The following MYO16 variants were observed in gnomAD, a reference collection of about 807,000 sequenced individuals.
The protein encoded by MYO16 is unconventional myosin-XVI.
Under a neutral mutation model 205.3 loss-of-function variants are expected in MYO16, and 94 were observed. The observed-to-expected ratio is 0.46, with a 90% CI of 0.39 to 0.54. The LOEUF (loss-of-function observed/expected upper bound fraction) is 0.54. MYO16 is among the 20% of genes least tolerant of loss of function. The pLI, the probability that MYO16 is intolerant of heterozygous loss-of-function variation, is 0.00. For synonymous variants in MYO16, 988 were observed against 954.0 expected, an observed-to-expected ratio of 1.04 and a Z score of -0.66; for missense variants, 2,315 against 2,387.5, an observed-to-expected ratio of 0.97 and a Z score of 0.63.
At chr13:109,061,779 A>G (rs1384210189) in intron 27 of MYO16, among the ~76,000 whole-genome samples, 2 of 152,198 alleles carry the variant, frequency 1.3e-5, no homozygotes, top group Admixed American at 6.5e-5. Context: ...TGGAAAAACT[A>G]TGCTTCAATT....
At chr13:109,104,294 GGCACTT>G (rs1889058025) in intron 28 of MYO16, among the ~76,000 whole-genome samples, 1 of 152,190 alleles carries the variant, frequency 6.6e-6, no homozygotes, top group Admixed American at 6.5e-5. Flanking sequence ...TTTGATCAAA[GGCACTT>G]ATACCGTTTA....
chr13:108,629,843 A>T lies in MYO16; in HGVS notation c.-2A>T. 2 of 1,530,248 alleles carry T rather than the reference A, an allele frequency of 1.3e-6. No homozygotes were observed. Among genetic ancestry groups the T allele is most frequent in the Non-Finnish European group, 1.8e-6 (2 of 1,142,010 alleles). 94.8% of individuals were successfully genotyped at this position (1,530,248 alleles called of 1,614,324 possible). On this transcript the variant is annotated 5_prime_UTR_variant, in exon 1 of 35. It adds an upstream start codon to the 5' untranslated region. Transcript: ENST00000457511. ...AGCAAGATTCCTGTCTGAGATGGAA[A>T]GATGTCTCACTATCATTTTATCAAG...
chr13:109,039,517 A>G (rs1886817669), intron 23 of MYO16, among the ~76,000 whole-genome samples: 2 of 152,224 alleles, frequency 1.3e-5, no homozygotes, highest in African/African-American at 4.8e-5. Flanking sequence ...CCACAATGGA[A>G]TCAACCCAGA....
chr13:108,928,371 T>C (rs1882102820), intron 16 of MYO16, among the ~76,000 whole-genome samples: 1 of 152,320 alleles, frequency 6.6e-6, no homozygotes, highest in South Asian at 2.1e-4. Context: ...GTCTATTAGC[T>C]AGGGATCTAC....
At chr13:108,506,822 A>C in the MYO16 span, among the ~76,000 whole-genome samples, 8 of 152,108 alleles carry the variant, frequency 5.3e-5, no homozygotes, top group Non-Finnish European at 1.0e-4. Flanking sequence ...TGTTAGCTGA[A>C]GCCTTTTCAT....
intron 32 of MYO16, among the ~76,000 whole-genome samples, chr13:109,146,612 C>A (rs560398141): frequency 3.3e-5 from 5 of 151,806 alleles, no homozygotes; most frequent in African/African-American, 4.8e-5. Context: ...GCTAACCAGG[C>A]CTTGTCTCTA....
intron 21 of MYO16, among the ~76,000 whole-genome samples, chr13:108,994,599 G>A (rs1308931277): frequency 6.6e-6 from 1 of 152,082 alleles, no homozygotes; most frequent in South Asian, 2.1e-4. Context: ...GCAACAAAAT[G>A]CTTAACAAAT....
At chr13:108,800,200 G>A (rs1443424166) in intron 6 of MYO16, among the ~76,000 whole-genome samples, 1 of 152,260 alleles carries the variant, frequency 6.6e-6, no homozygotes, top group East Asian at 1.9e-4. Flanking sequence ...AGCTTCATGG[G>A]TAAAAGCCCA....
the MYO16 span, among the ~76,000 whole-genome samples, chr13:108,584,678 A>G: frequency 6.6e-6 from 1 of 152,084 alleles, no homozygotes; most frequent in Admixed American, 6.6e-5. Flanking sequence ...TACCTCCATG[A>G]GTTACCCTTT....
At position 108,898,149 on chromosome 13, in the gene MYO16, G is replaced by C. The variant is rs947245892; in HGVS notation, c.1777+16G>C. On this transcript the variant is annotated intron_variant, in intron 15 of 34. Coordinates refer to ENST00000457511, the MANE Select transcript of MYO16 (RefSeq NM_001198950.3). ...CTAACCGGAGGTAAGTGCAGTATTT[G>C]ACAACGTGGATTTCCTGTGCCGAGC... 2.5e-6 allele frequency: 4 copies of C among 1,580,394 alleles called. No individual in the cohort carries two copies. Among genetic ancestry groups the C allele is most frequent in the Non-Finnish European group, 3.5e-6 (4 of 1,149,506 alleles).
chr13:108,883,264 G>C, intron 13 of MYO16, 78 bp downstream of exon 13: 1 of 1,508,604 alleles, frequency 6.6e-7, no homozygotes, highest in South Asian at 1.3e-5. Flanking sequence ...CATTTCCTAT[G>C]GTTTACCTTT....
At chr13:109,006,522 G>T (rs888783664) in intron 21 of MYO16, among the ~76,000 whole-genome samples, 1 of 152,166 alleles carries the variant, frequency 6.6e-6, no homozygotes, top group Non-Finnish European at 1.5e-5. Flanking sequence ...TTACAGGTGT[G>T]AGCCACTGCA....
At chr13:108,704,938 C>CAAAAAAAAAAAAAAA (rs111486703) in intron 2 of MYO16, among the ~76,000 whole-genome samples, 1 of 142,692 alleles carries the variant, frequency 7.0e-6, no homozygotes, top group African/African-American at 2.5e-5. Flanking sequence ...GCTAAACTGA[C>CAAAAAAAAAAAAAAA]AAAAAAAAAA....
chr13:108,655,476 G>A (rs761306427), intron 1 of MYO16, among the ~76,000 whole-genome samples: 15 of 152,314 alleles, frequency 9.8e-5, no homozygotes, highest in South Asian at 2.1e-4. Flanking sequence ...CGGCAGCGGC[G>A]TGGCCCTCAT....
intron 9 of MYO16, among the ~76,000 whole-genome samples, chr13:108,835,106 G>C (rs1310142007): frequency 6.6e-6 from 1 of 151,300 alleles, no homozygotes; most frequent in Admixed American, 6.6e-5. Context: ...TTTCTTATAT[G>C]AATAAGAGAG....
At chr13:108,649,989 G>A (rs11841980) in intron 1 of MYO16, among the ~76,000 whole-genome samples, 4,096 of 152,076 alleles carry the variant, frequency 0.027, 172 homozygotes, top group African/African-American at 0.094. Flanking sequence ...TTTCCCAAAT[G>A]TATTTACAGT....
intron 4 of MYO16, among the ~76,000 whole-genome samples, chr13:108,778,716 C>T (rs1886205468): frequency 6.6e-6 from 1 of 152,162 alleles, no homozygotes; most frequent in Admixed American, 6.5e-5. Context: ...CAAGAACTTT[C>T]AGAAAATAAT....
the MYO16 span, among the ~76,000 whole-genome samples, chr13:108,531,307 C>T: frequency 6.6e-6 from 1 of 152,166 alleles, no homozygotes; most frequent in Non-Finnish European, 1.5e-5. Flanking sequence ...ATGTAAAGAC[C>T]ACTCTGGAGG....
intron 28 of MYO16, among the ~76,000 whole-genome samples, chr13:109,108,159 G>A (rs988673371): frequency 2.0e-5 from 3 of 151,962 alleles, no homozygotes; most frequent in African/African-American, 7.3e-5. Flanking sequence ...GTGTCATGTC[G>A]CCGTGTTCTT....
Sources: allele counts gnomAD v4.1 joint callset (sites outside exome capture counted in the v4.1 genomes callset), GRCh38; gene constraint gnomAD v4.1.1; transcripts MANE v1.5; gene names NCBI Gene and HGNC (gene_info 2026-07-23, HGNC 2026-07-21).